CHD2: variants seen among roughly 807,000 people sequenced by gnomAD.
The protein encoded by CHD2 is ATP-dependent chromatin remodeler CHD2.
A neutral mutation model predicts 243.9 loss-of-function variants in CHD2; 28 were observed. The observed-to-expected ratio is 0.11, with a 90% CI of 0.09 to 0.16. The LOEUF is 0.16. CHD2 is among the 10% of genes least tolerant of loss of function. The pLI is 1.00. For missense variants in CHD2, 1,386 were observed against 2,209.8 expected, an observed-to-expected ratio of 0.63 and a Z score of 7.47; for synonymous variants, 775 against 779.0, an observed-to-expected ratio of 0.99 and a Z score of 0.09.
rs149050747 is a variant in CHD2, at chr15:93,011,916, A to G, written c.4593-429A>G. Among the ~76,000 whole-genome samples the G allele has an allele frequency of 2.4e-4, 36 of 152,308 alleles. 1 individual carries two copies. Among genetic ancestry groups the G allele is most frequent in the African/African-American group, 8.4e-4 (35 of 41,566 alleles). On this transcript the variant is annotated intron_variant, in intron 35 of 38. Coordinates refer to ENST00000394196, the MANE Select transcript of CHD2 (RefSeq NM_001271.4). Reference sequence around the variant, plus strand: ...GATGGATTTGTGGTAGAGTCCAGAAAGTGAAGGAAAACTTAAAAGGACTGG... The same window carrying G: ...GATGGATTTGTGGTAGAGTCCAGAAGGTGAAGGAAAACTTAAAAGGACTGG...
In CHD2 at chr15:92,924,416, C is replaced by CG; in HGVS notation, c.159dup (p.Asn54GlufsTer5). On this transcript the variant is annotated frameshift_variant, in exon 3 of 39. Coordinates refer to ENST00000394196, the MANE Select transcript of CHD2 (RefSeq NM_001271.4). LOFTEE classifies it high-confidence loss of function. ...CCAGGAAGTGGACATGGCAGCGAGT[C>CG]GAACAGCAGCTCTGAATCTTCTGAG... is the stretch of plus-strand genomic sequence containing the variant. 1 of 1,613,978 alleles carries CG rather than the reference C, an allele frequency of 6.2e-7. No individual in the cohort carries two copies. The highest frequency in any genetic ancestry group is 8.5e-7 in the Non-Finnish European group (1 of 1,179,970).
In CHD2 at chr15:92,985,820, G is replaced by A. The variant is rs2054035043; in HGVS notation, c.3413+147G>A. On this transcript the variant is annotated intron_variant, in intron 26 of 38. Transcript: ENST00000394196. ...AGAAGCTGGGTCCTGTCCCAGATCT[G>A]TAGGATGATCCTTCCTTCTCCAAGG... 3 of 667,106 alleles carry A rather than the reference G, an allele frequency of 4.5e-6. No individual in the cohort carries two copies. The African/African-American group carries it at 5.4e-5, about 12-fold the overall frequency. 41.3% of individuals were successfully genotyped at this position (667,106 alleles called of 1,614,324 possible).
chr15:92,906,289 A>G (rs2052620380), intron 2 of CHD2, among the ~76,000 whole-genome samples: 1 of 152,084 alleles, frequency 6.6e-6, no homozygotes, highest in Non-Finnish European at 1.5e-5. Flanking sequence ...CGTTTAAAAT[A>G]TGCACTTTCC....
In CHD2 at chr15:93,027,515, GCCCAAAC is replaced by G. The variant is rs2054595708; in HGVS notation, c.*2811_*2817del. ...TCATTCCTCAGCCCTTCGAAGGGAA[GCCCAAAC>G]ACTTTGCACGCTGTGCTGCAGACAT... On this transcript the variant is annotated 3_prime_UTR_variant, in exon 39 of 39. Coordinates refer to ENST00000394196, the MANE Select transcript of CHD2 (RefSeq NM_001271.4). 6.6e-6 allele frequency: 1 copy of G among 152,466 alleles called. No homozygotes were observed. The highest frequency in any genetic ancestry group is 2.4e-5 in the African/African-American group (1 of 41,454). The allele number at this position is 152,466 out of a possible 1,614,324, so 9.4% of individuals were successfully genotyped here. A position where few individuals can be genotyped will look rare whatever the true frequency, so the allele number is the denominator to read the frequency against.
intron 37 of CHD2, 133 bp from the exon 38 acceptor site, chr15:93,019,879 T>G (rs2054511156): frequency 2.8e-6 from 3 of 1,056,180 alleles, no homozygotes; most frequent in Non-Finnish European, 4.0e-6. Context: ...ATTGCAGTGA[T>G]CTAAGATCGT....
In CHD2 at chr15:92,900,732, C is replaced by G. The variant is rs2052517212; in HGVS notation, c.-164C>G. 2.5e-6 allele frequency: 1 copy of G among 396,658 alleles called. No individual in the cohort carries two copies. The highest frequency in any genetic ancestry group is 4.4e-6 in the Non-Finnish European group (1 of 225,654). The allele number at this position is 396,658 out of a possible 1,614,324, so 24.6% of individuals were successfully genotyped here. A position where few individuals can be genotyped will look rare whatever the true frequency, so the allele number is the denominator to read the frequency against. ...ATTTTATTTATTTTTCGTTTTTTAA[C>G]GGAGGATTTTGCCTTTATTTTTAAT... On this transcript the variant is annotated 5_prime_UTR_variant, in exon 1 of 39. Transcript: ENST00000394196.
intron 27 of CHD2, 151 bp from the exon 28 acceptor site, chr15:92,992,708 G>T (rs2054136246): frequency 5.0e-6 from 4 of 805,458 alleles, no homozygotes; most frequent in Non-Finnish European, 7.5e-6. Context: ...ATGTCCAGGG[G>T]TTCTTGTTGG....
chr15:92,921,011 G>A (rs907856310), intron 2 of CHD2, among the ~76,000 whole-genome samples: 3 of 152,022 alleles, frequency 2.0e-5, no homozygotes, highest in Non-Finnish European at 2.9e-5. Flanking sequence ...CAGCATGTGT[G>A]TCATTGCTAA....
At chr15:92,905,855 A>C (rs937307491) in intron 2 of CHD2, among the ~76,000 whole-genome samples, 2 of 152,252 alleles carry the variant, frequency 1.3e-5, no homozygotes, top group African/African-American at 4.8e-5. Flanking sequence ...TGTAGCTTCC[A>C]ACTTAAAGTA....
At chr15:92,960,401 A>G (rs932223515) in intron 16 of CHD2, among the ~76,000 whole-genome samples, 4 of 152,106 alleles carry the variant, frequency 2.6e-5, no homozygotes, top group Admixed American at 6.5e-5. Flanking sequence ...GATGTTGGCT[A>G]TAGATGTTTT....
At chr15:92,986,119 T>C (rs1281518311) in intron 26 of CHD2, among the ~76,000 whole-genome samples, 1 of 152,218 alleles carries the variant, frequency 6.6e-6, no homozygotes, top group African/African-American at 2.4e-5. Flanking sequence ...CTTTGATTTA[T>C]AAGTAGTATG....
chr15:93,020,624 C>G, intron 38 of CHD2: 1 of 412,104 alleles, frequency 2.4e-6, no homozygotes, highest in South Asian at 4.2e-5. Flanking sequence ...TTACCTGCCA[C>G]GAGCCCATAA....
chr15:92,979,998 A>G (rs1037516369), intron 22 of CHD2, among the ~76,000 whole-genome samples: 1 of 151,532 alleles, frequency 6.6e-6, no homozygotes, highest in Non-Finnish European at 1.5e-5. Flanking sequence ...TTTTGAGCAG[A>G]TTGTTGAGTG....
chr15:92,923,219 A>G (rs962119528), intron 2 of CHD2, among the ~76,000 whole-genome samples: 7 of 152,182 alleles, frequency 4.6e-5, no homozygotes, highest in South Asian at 4.1e-4. Flanking sequence ...GATAATTGCA[A>G]CCAGTTTGCA....
intron 5 of CHD2, among the ~76,000 whole-genome samples, chr15:92,932,339 A>G (rs534175243): frequency 3.3e-5 from 5 of 150,712 alleles, no homozygotes; most frequent in Non-Finnish European, 5.9e-5. Context: ...TATGTGCACA[A>G]TGTGCAGGTT....
intron 7 of CHD2, among the ~76,000 whole-genome samples, chr15:92,940,921 CATATAAATATATATAAAATATATATAA>C (rs2053363899): frequency 1.7e-5 from 2 of 116,556 alleles, no homozygotes; most frequent in South Asian, 2.6e-4. Flanking sequence ...TATAAATATA[CATATAAATATATATAAAATATATATAA>C]ATATAAATAT....
At position 92,996,946 on chromosome 15, in the gene CHD2, G is replaced by A; in HGVS notation, c.3596-11G>A. ...TTTTCATTTAACTAATGTGAAACTG[G>A]TATTTTTCAGGAAAAGGACCAGGGA... On this transcript the variant is annotated splice_polypyrimidine_tract_variant and intron_variant, in intron 28 of 38. Coordinates refer to ENST00000394196, the MANE Select transcript of CHD2 (RefSeq NM_001271.4). 4.4e-6 allele frequency: 7 copies of A among 1,595,434 alleles called. 1 individual carries two copies. In the South Asian group the frequency reaches 6.9e-5, roughly 16 times the overall value.
In CHD2 at chr15:92,996,942, A is replaced by T. The variant is rs376417647; in HGVS notation, c.3596-15A>T. 4.4e-6 allele frequency: 7 copies of T among 1,596,066 alleles called. No individual in the cohort carries two copies. In the African/African-American group the frequency reaches 6.8e-5, roughly 15 times the overall value. ...CAGATTTTCATTTAACTAATGTGAA[A>T]CTGGTATTTTTCAGGAAAAGGACCA... On this transcript the variant is annotated splice_polypyrimidine_tract_variant and intron_variant, in intron 28 of 38. Transcript: ENST00000394196.
chr15:92,972,450 A>C, intron 19 of CHD2, 33 bp downstream of exon 19: 1 of 1,548,888 alleles, frequency 6.5e-7, no homozygotes, highest in Non-Finnish European at 8.7e-7. Flanking sequence ...TGTGGGGGGA[A>C]TCAATCTCTC....
Sources: gnomAD v4.1 joint callset for allele counts (sites outside exome capture counted in the v4.1 genomes callset) on GRCh38, gnomAD v4.1.1 for gene constraint, MANE v1.5 for transcripts, NCBI Gene and HGNC (gene_info 2026-07-23, HGNC 2026-07-21) for gene names.